The following PGRMC2 variants were observed in gnomAD, a reference collection of about 807,000 sequenced individuals.
PGRMC2 encodes progesterone receptor membrane component 2, also known as membrane-associated progesterone receptor component 2.
Under a neutral mutation model 19.3 loss-of-function variants are expected in PGRMC2, and 9 were observed. The observed-to-expected ratio is 0.47, with a 90% CI of 0.28 to 0.81. The LOEUF (loss-of-function observed/expected upper bound fraction) is 0.81, where lower values mean the gene tolerates loss of function less well. Ranked by LOEUF, PGRMC2 falls within the 40% of genes least tolerant of loss-of-function variation. The pLI is 0.11. For synonymous variants in PGRMC2, 157 were observed against 124.6 expected, an observed-to-expected ratio of 1.26 and a Z score of -1.73; for missense variants, 289 against 297.3, an observed-to-expected ratio of 0.97 and a Z score of 0.21.
chr4:128,270,088 TATC>T lies in PGRMC2; in HGVS notation c.*1225_*1227del, dbSNP rs1178708158. 6.6e-6 allele frequency: 1 copy of T among 152,608 alleles called. No homozygotes were observed. The highest frequency in any genetic ancestry group is 1.5e-5 in the Non-Finnish European group (1 of 68,036). 9.5% of individuals were successfully genotyped at this position (152,608 alleles called of 1,614,324 possible). A position where few individuals can be genotyped will look rare whatever the true frequency, so the allele number is the denominator to read the frequency against. On this transcript the variant is annotated 3_prime_UTR_variant, in exon 3 of 3. Transcript: ENST00000296425. ...AATCAAATGCACAATCTTACAACTG[TATC>T]ATAATGCACTGGCTTACAGTTCTGT...
intron 1 of PGRMC2, among the ~76,000 whole-genome samples, chr4:128,275,955 G>A (rs749896131): frequency 2.6e-5 from 4 of 152,070 alleles, no homozygotes; most frequent in Non-Finnish European, 4.4e-5. Context: ...TGAACTCCTG[G>A]CCTCAAGCAA....
At chr4:128,281,248 G>A (rs550502049) in intron 1 of PGRMC2, among the ~76,000 whole-genome samples, 2 of 152,246 alleles carry the variant, frequency 1.3e-5, no homozygotes, top group Admixed American at 6.5e-5. Context: ...TATGTACAAC[G>A]CAGGGGATAC....
intron 1 of PGRMC2, among the ~76,000 whole-genome samples, chr4:128,285,740 TAAA>T (rs1007465655): frequency 6.6e-6 from 1 of 152,072 alleles, no homozygotes; most frequent in African/African-American, 2.4e-5. Flanking sequence ...ATCCTTGATT[TAAA>T]AAAAATTTAC....
Position 128,272,451 on chromosome 4 carries a change from T to G in PGRMC2, c.485A>C (p.Lys162Thr). The G allele has an allele frequency of 6.3e-7, 1 of 1,589,474 alleles. No individual in the cohort carries two copies. Among genetic ancestry groups the G allele is most frequent in the South Asian group, 1.1e-5 (1 of 87,170 alleles). ...ATCATATTCATCTCTAAGTGCATCTTTATCTAGGCAAAATGTGGCCAGTCC... is the reference window on the plus strand; with the variant it reads ...ATCATATTCATCTCTAAGTGCATCTGTATCTAGGCAAAATGTGGCCAGTCC... ...SRGLATFCLD[K>T]DALRDEYDDL... Residue 162 changes from lysine (K) to threonine (T), a missense_variant, in exon 2 of 3, where the codon AAA becomes ACA. By Grantham distance (78) the Lys-to-Thr change is moderately conservative (BLOSUM62 -1). Transcript: ENST00000296425.
rs769309793 is a variant in PGRMC2 at position 128,287,755 on chromosome 4, G to A, written c.36C>T (p.Thr12=). 24 of 1,478,072 alleles carry A rather than the reference G, an allele frequency of 1.6e-5. No homozygotes were observed. Among genetic ancestry groups the A allele is most frequent in the Non-Finnish European group, 1.9e-5 (21 of 1,079,820 alleles). The allele number at this position is 1,478,072 out of a possible 1,614,324, so 91.6% of individuals were successfully genotyped here. A position where few individuals can be genotyped will look rare whatever the true frequency, so the allele number is the denominator to read the frequency against. ...TGCTGCTCTCGCTGCCACTCCCCAG[G>A]GTGCCTAGCTTCACGTCCCCATCAC... is the stretch of plus-strand genomic sequence containing the variant. The part of the protein sequence containing the change: ...AAGDGDVKLG[T]LGSGSESSND... Residue 12 remains threonine, a synonymous_variant, in exon 1 of 3, where the codon ACC becomes ACT. Coordinates refer to ENST00000296425, the MANE Select transcript of PGRMC2 (RefSeq NM_006320.6).
chr4:128,280,353 G>GAAAAA (rs11425107), intron 1 of PGRMC2, among the ~76,000 whole-genome samples: 1 of 120,540 alleles, frequency 8.3e-6, no homozygotes, highest in African/African-American at 3.5e-5. Flanking sequence ...AATTTTCTGG[G>GAAAAA]AAAAAAAAAA....
chr4:128,275,474 G>A (rs1056760743), intron 1 of PGRMC2, among the ~76,000 whole-genome samples: 2 of 152,090 alleles, frequency 1.3e-5, no homozygotes, highest in Non-Finnish European at 1.5e-5. Flanking sequence ...TGGGGGTAGG[G>A]AATGATTGAC....
intron 1 of PGRMC2, among the ~76,000 whole-genome samples, chr4:128,277,980 G>A (rs1322604781): frequency 6.6e-6 from 1 of 152,194 alleles, no homozygotes; most frequent in African/African-American, 2.4e-5. Flanking sequence ...ATAAGTGACT[G>A]AAAGTGCAAT....
rs189160285 is a variant in PGRMC2, at chr4:128,283,688, C to T, written c.418+3685G>A. 2.6e-3 allele frequency among the ~76,000 whole-genome samples: 383 copies of T among 148,514 alleles called. 1 individual carries two copies. The highest frequency in any genetic ancestry group is 8.2e-3 in the African/African-American group (331 of 40,286). ...TTTTTTTTTTTTTGAGACAGAGTCTCGTTCTGTCATCCAGGCTGGAGTGCA... is the reference window on the plus strand; with the variant it reads ...TTTTTTTTTTTTTGAGACAGAGTCTTGTTCTGTCATCCAGGCTGGAGTGCA... On this transcript the variant is annotated intron_variant, in intron 1 of 2. Coordinates refer to ENST00000296425, the MANE Select transcript of PGRMC2 (RefSeq NM_006320.6).
rs747056659 is a variant in PGRMC2 at position 128,287,754 on chromosome 4, G to C, written c.37C>G (p.Leu13Val). The change falls in exon 1 of 3, where the codon CTG (leucine) becomes GTG (valine). Residue 13 changes from leucine to valine, a missense_variant. By Grantham distance (32) the Leu-to-Val change is conservative. Transcript: ENST00000296425. ...TTGCTGCTCTCGCTGCCACTCCCCA[G>C]GGTGCCTAGCTTCACGTCCCCATCA... Reference protein sequence around the residue: ...AGDGDVKLGTLGSGSESSNDG... With the variant: ...AGDGDVKLGTVGSGSESSNDG... The C allele has an allele frequency of 2.0e-6, 3 of 1,478,716 alleles. No homozygotes were observed. The highest frequency in any genetic ancestry group is 2.8e-6 in the Non-Finnish European group (3 of 1,080,474). The allele number at this position is 1,478,716 out of a possible 1,614,324, so 91.6% of individuals were successfully genotyped here. A position where few individuals can be genotyped will look rare whatever the true frequency, so the allele number is the denominator to read the frequency against.
At chr4:128,277,062 C>A (rs968252672) in intron 1 of PGRMC2, among the ~76,000 whole-genome samples, 1 of 152,096 alleles carries the variant, frequency 6.6e-6, no homozygotes, top group African/African-American at 2.4e-5. Flanking sequence ...GAGGCTGAGG[C>A]AGGAGAATGG....
intron 1 of PGRMC2, 67 bp from the exon 2 acceptor site, chr4:128,272,584 T>TAAAAAA (rs5861848): frequency 3.0e-5 from 10 of 334,780 alleles, no homozygotes; most frequent in African/African-American, 9.8e-5. Flanking sequence ...AAGGAAAAAG[T>TAAAAAA]AAAAAAAAAA....
At chr4:128,276,520 T>C (rs1760816060) in intron 1 of PGRMC2, among the ~76,000 whole-genome samples, 1 of 152,138 alleles carries the variant, frequency 6.6e-6, no homozygotes, top group Non-Finnish European at 1.5e-5. Context: ...GGTTTCACCA[T>C]ATATGGTGGA....
intron 1 of PGRMC2, among the ~76,000 whole-genome samples, chr4:128,282,555 A>G (rs571191600): frequency 1.3e-5 from 2 of 152,244 alleles, no homozygotes; most frequent in African/African-American, 2.4e-5. Context: ...TATAATAGAA[A>G]TAACTAGTAG....
At position 128,272,750 on chromosome 4, in the gene PGRMC2, AC is replaced by A. The variant is rs1487524271; in HGVS notation, c.419-234del. The A allele has an allele frequency of 1.8e-5, 6 of 342,648 alleles. No homozygotes were observed. The East Asian group carries it at 2.6e-4, about 15-fold the overall frequency. 21.2% of individuals were successfully genotyped at this position (342,648 alleles called of 1,614,324 possible). On this transcript the variant is annotated intron_variant, in intron 1 of 2. Transcript: ENST00000296425. ...TAAAGCTTTTCACTTAGATCTTAAA[AC>A]CCTCAATTTCAATTACTTCAGATAT...
chr4:128,278,747 C>T (rs1760855843), intron 1 of PGRMC2, among the ~76,000 whole-genome samples: 1 of 151,998 alleles, frequency 6.6e-6, no homozygotes. Context: ...CATAACTTAG[C>T]AGCTATAAAA....
chr4:128,287,506 C>T lies in PGRMC2; in HGVS notation c.285G>A (p.Leu95=), dbSNP rs749014867. 12 of 1,611,430 alleles carry T rather than the reference C, an allele frequency of 7.4e-6. No individual in the cohort carries two copies. The highest frequency in any genetic ancestry group is 2.7e-5 in the African/African-American group (2 of 74,864). ...TGAAGTCCCGCTTCTTCATGCGAGG[C>T]AGAGAGGTGGCGGGGCTCTCCTCGC... ...GAGEESPATS[L]PRMKKRDFSL... The change falls in exon 1 of 3, where the codon CTG becomes CTA. Residue 95 remains leucine (L), a synonymous_variant. Coordinates refer to ENST00000296425, the MANE Select transcript of PGRMC2 (RefSeq NM_006320.6).
rs1428758459 is a variant in PGRMC2, at chr4:128,269,859, T to TGG, written c.*1456_*1457insCC. On this transcript the variant is annotated 3_prime_UTR_variant, in exon 3 of 3. Coordinates refer to ENST00000296425, the MANE Select transcript of PGRMC2 (RefSeq NM_006320.6). Reference sequence around the variant, plus strand: ...TTCAATAACCACCTGGAGTGCTAATTGTCTAGTATAATCAGTTGGCATCAA... The same window carrying TGG: ...TTCAATAACCACCTGGAGTGCTAATTGGGTCTAGTATAATCAGTTGGCATCAA... 2.6e-5 allele frequency: 4 copies of TGG among 152,218 alleles called. No homozygotes were observed. Among genetic ancestry groups the TGG allele is most frequent in the Non-Finnish European group, 5.9e-5 (4 of 68,024 alleles). 9.4% of individuals were successfully genotyped at this position (152,218 alleles called of 1,614,324 possible).
intron 1 of PGRMC2, among the ~76,000 whole-genome samples, chr4:128,273,498 A>C (rs545664651): frequency 2.0e-5 from 3 of 152,212 alleles, no homozygotes; most frequent in African/African-American, 7.2e-5. Flanking sequence ...GAATAAAAAG[A>C]AACTCAAGAT....
Sources: gnomAD v4.1 joint callset for allele counts (sites outside exome capture counted in the v4.1 genomes callset) on GRCh38, gnomAD v4.1.1 for gene constraint, MANE v1.5 for transcripts, NCBI Gene and HGNC (gene_info 2026-07-23, HGNC 2026-07-21) for gene names.